The following JAZF1 variants were observed in gnomAD, a reference collection of about 807,000 sequenced individuals.
The protein encoded by JAZF1 is juxtaposed with another zinc finger protein 1.
A neutral mutation model predicts 26.4 loss-of-function variants in JAZF1; 8 were observed. That is an observed-to-expected ratio of 0.30 (90% CI 0.18 to 0.55). The LOEUF is 0.55. JAZF1 is among the 20% of genes least tolerant of loss of function. JAZF1 has a pLI of 0.94. For missense variants in JAZF1, 199 were observed against 322.0 expected (o/e 0.62, Z 2.92); for synonymous variants, 126 against 122.3 (o/e 1.03, Z -0.20).
At chr7:27,990,932 A>G (rs895566686) in intron 2 of JAZF1, among the ~76,000 whole-genome samples, 1 of 152,244 alleles carries the variant, frequency 6.6e-6, no homozygotes, top group African/African-American at 2.4e-5. Context: ...AGGTATGGAA[A>G]TAGATGTTTA....
rs914320201 is a variant in JAZF1 at position 27,988,703 on chromosome 7, T to C, written c.188+3206A>G. 3.3e-5 allele frequency among the ~76,000 whole-genome samples: 5 copies of C among 152,238 alleles called. No homozygotes were observed. The East Asian group carries it at 5.8e-4, about 18-fold the overall frequency. On this transcript the variant is annotated intron_variant, in intron 2 of 4. Transcript: ENST00000283928. ...AATGTCATAGGTAAAAAAAATAGCA[T>C]ATCATTGTTTGAATCTATTGTTATT...
intron 2 of JAZF1, among the ~76,000 whole-genome samples, chr7:27,934,625 G>A (rs1357068371): frequency 1.3e-5 from 2 of 152,090 alleles, no homozygotes; most frequent in Non-Finnish European, 2.9e-5. Flanking sequence ...GGTGGGGGGC[G>A]GAAATCAATC....
At chr7:27,897,566 TCTGA>T (rs1440291797) in intron 2 of JAZF1, among the ~76,000 whole-genome samples, 10 of 152,206 alleles carry the variant, frequency 6.6e-5, no homozygotes, top group African/African-American at 2.2e-4. Context: ...AAGAATGACC[TCTGA>T]CTGGTGAACT....
At chr7:27,979,425 A>T (rs958052602) in intron 2 of JAZF1, among the ~76,000 whole-genome samples, 1 of 100,886 alleles carries the variant, frequency 9.9e-6, no homozygotes, top group East Asian at 3.6e-4. Flanking sequence ...GTCTTGTTCT[A>T]TCACCCAGGC....
chr7:27,870,550 C>G (rs1029150334), intron 3 of JAZF1, among the ~76,000 whole-genome samples: 4 of 152,132 alleles, frequency 2.6e-5, no homozygotes, highest in African/African-American at 9.7e-5. Context: ...AATAATATTT[C>G]AAGGCTGGAA....
At position 27,840,640 on chromosome 7, in the gene JAZF1, T is replaced by G; in HGVS notation, c.555+58A>C. The G allele has an allele frequency of 6.4e-7, 1 of 1,560,596 alleles. No homozygotes were observed. The highest frequency in any genetic ancestry group is 8.8e-7 in the Non-Finnish European group (1 of 1,139,470). ...TAAAATCAAGAAAGGGCTGCTGCCT[T>G]CCATGAAGCTTGCCCTGTTTCCATG... On this transcript the variant is annotated intron_variant, in intron 4 of 4. Coordinates refer to ENST00000283928, the MANE Select transcript of JAZF1 (RefSeq NM_175061.4). This position sits in a 1 kb window ranked among gnomAD's most constrained non-coding sequence, Gnocchi z 5.1.
rs1303870986 is a variant in JAZF1, at chr7:28,127,947, T to C, written c.115+52516A>G. On this transcript the variant is annotated intron_variant, in intron 1 of 4. Transcript: ENST00000283928. ...GATTCAATCATCTCCCACTGGGCCC[T>C]TCCCACAACACATGGGGATTATGGG... Among the ~76,000 whole-genome samples, 5 of 151,038 alleles carry C rather than the reference T, an allele frequency of 3.3e-5. No homozygotes were observed. In the East Asian group the frequency reaches 9.9e-4, roughly 30 times the overall value.
At position 27,941,810 on chromosome 7, in the gene JAZF1, T is replaced by C. The variant is rs930246698; in HGVS notation, c.189-46394A>G. The stretch of plus-strand genomic sequence containing the variant: ...ATTATGATGCATCTTACTTGTGGCC[T>C]GTCCAGCAGGAAGAATGAGCTGTTT... On this transcript the variant is annotated intron_variant, in intron 2 of 4. Coordinates refer to ENST00000283928, the MANE Select transcript of JAZF1 (RefSeq NM_175061.4). Among the ~76,000 whole-genome samples the C allele has an allele frequency of 7.2e-5, 11 of 152,304 alleles. 1 individual carries two copies. The East Asian group carries it at 1.9e-3, about 27-fold the overall frequency.
rs916861899 is a variant in JAZF1 at position 27,832,231 on chromosome 7, T to C, written c.*569A>G. The C allele has an allele frequency of 4.7e-6, 1 of 211,742 alleles. No individual in the cohort carries two copies. Among genetic ancestry groups the C allele is most frequent in the Non-Finnish European group, 9.6e-6 (1 of 104,234 alleles). The allele number at this position is 211,742 out of a possible 1,614,324, so 13.1% of individuals were successfully genotyped here. A position where few individuals can be genotyped will look rare whatever the true frequency, so the allele number is the denominator to read the frequency against. On this transcript the variant is annotated 3_prime_UTR_variant, in exon 5 of 5. Coordinates refer to ENST00000283928, the MANE Select transcript of JAZF1 (RefSeq NM_175061.4). ...CACAGAAAGCACACCTTTACGTATG[T>C]TATTTAAATATGAAAATATTTTTAG...
intron 2 of JAZF1, among the ~76,000 whole-genome samples, chr7:27,930,338 C>G (rs1234947634): frequency 3.3e-5 from 5 of 152,066 alleles, no homozygotes; most frequent in Admixed American, 6.5e-5. Context: ...ACTTTTTGAT[C>G]AGAACACAGT....
At chr7:27,974,352 G>A (rs1785430910) in intron 2 of JAZF1, among the ~76,000 whole-genome samples, 1 of 152,188 alleles carries the variant, frequency 6.6e-6, no homozygotes, top group Admixed American at 6.5e-5. Flanking sequence ...CAAAGAAGTA[G>A]AAGAAGAACC....
At chr7:27,858,603 C>A (rs1476964753) in intron 3 of JAZF1, among the ~76,000 whole-genome samples, 1 of 152,168 alleles carries the variant, frequency 6.6e-6, no homozygotes, top group African/African-American at 2.4e-5. Flanking sequence ...TGATCTTTGA[C>A]AAACCTGATA....
chr7:27,969,389 C>T (rs572061424), intron 2 of JAZF1, among the ~76,000 whole-genome samples: 39 of 152,120 alleles, frequency 2.6e-4, no homozygotes, highest in Non-Finnish European at 5.1e-4. Context: ...TCACCTAAAT[C>T]TGCAGGGAAA....
At chr7:28,034,320 C>T (rs957535276) in intron 1 of JAZF1, among the ~76,000 whole-genome samples, 1 of 151,978 alleles carries the variant, frequency 6.6e-6, no homozygotes, top group African/African-American at 2.4e-5. Flanking sequence ...TCCTAGAAGG[C>T]TTTGCCTACT....
chr7:27,847,457 G>C (rs1783052299), intron 3 of JAZF1, among the ~76,000 whole-genome samples: 1 of 152,116 alleles, frequency 6.6e-6, no homozygotes, highest in South Asian at 2.1e-4. Context: ...TGATTTGTGT[G>C]TATGGTATAA....
chr7:28,031,154 C>T (rs1268216595), intron 1 of JAZF1, among the ~76,000 whole-genome samples: 3 of 152,106 alleles, frequency 2.0e-5, no homozygotes, highest in Non-Finnish European at 4.4e-5. Flanking sequence ...CTCTCCTTTG[C>T]ATCCTTTCTC....
chr7:27,860,049 C>A (rs1783350535), intron 3 of JAZF1, among the ~76,000 whole-genome samples: 1 of 152,170 alleles, frequency 6.6e-6, no homozygotes, highest in Admixed American at 6.5e-5. Context: ...ACATTTATTT[C>A]TTAATTTAAC....
intron 1 of JAZF1, among the ~76,000 whole-genome samples, chr7:28,013,173 C>T (rs1782827161): frequency 6.6e-6 from 1 of 152,222 alleles, no homozygotes; most frequent in Non-Finnish European, 1.5e-5. Context: ...CCCCCGGTGA[C>T]TCTCATGTGC....
intron 1 of JAZF1, among the ~76,000 whole-genome samples, chr7:28,080,265 T>G (rs901759620): frequency 1.3e-5 from 2 of 152,112 alleles, no homozygotes; most frequent in Non-Finnish European, 2.9e-5. Context: ...CTTCATAGAA[T>G]TGAAGAGACT....
Sources: allele counts gnomAD v4.1 joint callset (sites outside exome capture counted in the v4.1 genomes callset), GRCh38; gene constraint gnomAD v4.1.1; non-coding constraint Gnocchi (gnomAD v3.1); transcripts MANE v1.5; gene names NCBI Gene and HGNC (gene_info 2026-07-23, HGNC 2026-07-21).